The following MASP1 variants were observed in gnomAD, a reference collection of about 807,000 sequenced individuals.
The protein encoded by MASP1 is MBL associated serine protease 1.
A neutral mutation model predicts 77.1 loss-of-function variants in MASP1; 59 were observed. The ratio of observed to expected loss-of-function variants is 0.77; its 90% CI spans 0.62 to 0.95. The LOEUF is 0.95. Ranked by LOEUF, MASP1 falls within the 40% of genes least tolerant of loss-of-function variation. The pLI, the probability that MASP1 is intolerant of heterozygous loss-of-function variation, is 0.00. For missense variants in MASP1, 885 were observed against 912.9 expected, an observed-to-expected ratio of 0.97 and a Z score of 0.39; for synonymous variants, 362 against 354.5, an observed-to-expected ratio of 1.02 and a Z score of -0.24.
chr3:187,253,938 G>A (rs901914994), intron 5 of MASP1, among the ~76,000 whole-genome samples: 7 of 152,030 alleles, frequency 4.6e-5, no homozygotes, highest in African/African-American at 9.6e-5. Context: ...GCAAACCACC[G>A]TGGCACATGT....
chr3:187,280,086 G>C (rs1717289122), intron 2 of MASP1, among the ~76,000 whole-genome samples: 1 of 152,184 alleles, frequency 6.6e-6, no homozygotes, highest in South Asian at 2.1e-4. Context: ...TTTTAGAGTA[G>C]CATAATCAAA....
At chr3:187,286,688 G>A (rs946664035) in intron 1 of MASP1, among the ~76,000 whole-genome samples, 8 of 152,186 alleles carry the variant, frequency 5.3e-5, no homozygotes, top group African/African-American at 1.9e-4. Flanking sequence ...AAAACTTACA[G>A]AGCACGTCAC....
At chr3:187,252,363 C>A (rs698093) in intron 6 of MASP1, among the ~76,000 whole-genome samples, 41,280 of 152,068 alleles carry the variant, frequency 0.27, 5,760 homozygotes, top group African/African-American at 0.32. Context: ...TCTTTCTTCC[C>A]GAGGCCCTTC....
At chr3:187,284,866 G>A (rs12485649) in intron 2 of MASP1, among the ~76,000 whole-genome samples, 1,679 of 152,308 alleles carry the variant, frequency 0.011, 27 homozygotes, top group East Asian at 0.03. Context: ...AAAGCACCTT[G>A]TAAACTCACT....
At chr3:187,224,364 T>TG (rs1712256105) in intron 13 of MASP1, among the ~76,000 whole-genome samples, 1 of 141,200 alleles carries the variant, frequency 7.1e-6, no homozygotes, top group African/African-American at 2.7e-5. Flanking sequence ...TTTTTTTTTT[T>TG]GAGACGGAGT....
chr3:187,251,020 G>A (rs1028310553), intron 7 of MASP1, among the ~76,000 whole-genome samples: 17 of 152,122 alleles, frequency 1.1e-4, no homozygotes, highest in South Asian at 2.1e-4. Flanking sequence ...GTGCAAAGGC[G>A]TGATCTCAGC....
In MASP1 at chr3:187,234,766, C is replaced by CT; in HGVS notation, c.*917dup. The CT allele has an allele frequency of 7.8e-7, 1 of 1,287,256 alleles. No individual in the cohort carries two copies. The highest frequency in any genetic ancestry group is 1.0e-6 in the Non-Finnish European group (1 of 988,696). The allele number at this position is 1,287,256 out of a possible 1,614,324, so 79.7% of individuals were successfully genotyped here. A position where few individuals can be genotyped will look rare whatever the true frequency, so the allele number is the denominator to read the frequency against. The stretch of plus-strand genomic sequence containing the variant: ...CAGCAGGACACAGTGTGGGTCTTTT[C>CT]TTTTTCCAGGTAATCGACTAAGTCC... On this transcript the variant is annotated 3_prime_UTR_variant, in exon 11 of 11. Transcript: ENST00000296280.
At chr3:187,265,773 C>T (rs921604952) in intron 2 of MASP1, among the ~76,000 whole-genome samples, 1 of 152,174 alleles carries the variant, frequency 6.6e-6, no homozygotes, top group Non-Finnish European at 1.5e-5. Flanking sequence ...AAGAACCCAC[C>T]AACCCAGAGA....
At chr3:187,253,355 C>T in intron 5 of MASP1, 40 bp from the exon 6 acceptor site, 1 of 1,612,210 alleles carries the variant, frequency 6.2e-7, no homozygotes, top group Non-Finnish European at 8.5e-7. Flanking sequence ...TAGAGTGTTC[C>T]ATCTGAGCAG....
intron 5 of MASP1, among the ~76,000 whole-genome samples, chr3:187,254,971 C>T (rs1165900627): frequency 1.3e-5 from 2 of 152,110 alleles, no homozygotes; most frequent in Non-Finnish European, 2.9e-5. Flanking sequence ...GTGAGGCTCC[C>T]ATGTGTAGCT....
intron 1 of MASP1, among the ~76,000 whole-genome samples, chr3:187,288,547 C>T (rs79957887): frequency 0.059 from 9,013 of 152,254 alleles, 284 homozygotes; most frequent in Non-Finnish European, 0.076. Flanking sequence ...CTGCTATCAG[C>T]GTAAAGGAGG....
chr3:187,221,033 A>T lies in MASP1; in HGVS notation c.1909+2T>A, dbSNP rs767834819. On this transcript the variant is annotated splice_donor_variant, in intron 15 of 15. Coordinates refer to the MASP1 transcript ENST00000337774. LOFTEE classifies it high-confidence loss of function. ...CTGTTGTATGCCAGCCTCTTAACCC[A>T]CCTTCCTTCTCCCCAGCACAGATCA... The T allele has an allele frequency of 1.2e-5, 19 of 1,612,510 alleles. 1 individual carries two copies. In the Admixed American group the frequency reaches 3.2e-4, roughly 27 times the overall value.
intron 14 of MASP1, among the ~76,000 whole-genome samples, chr3:187,222,542 C>A (rs182211757): frequency 6.6e-6 from 1 of 152,176 alleles, no homozygotes; most frequent in African/African-American, 2.4e-5. Context: ...TCTTTGATGG[C>A]AGCTCGTGTT....
chr3:187,247,911 G>A (rs904148591), intron 8 of MASP1, among the ~76,000 whole-genome samples: 14 of 152,146 alleles, frequency 9.2e-5, no homozygotes, highest in East Asian at 1.9e-4. Context: ...CAGAGCTGGG[G>A]CCACTGCTTT....
At chr3:187,286,147 A>G (rs1220449977) in intron 1 of MASP1, 91 bp from the exon 2 acceptor site, 4 of 1,048,108 alleles carry the variant, frequency 3.8e-6, no homozygotes, top group Non-Finnish European at 5.8e-6. Flanking sequence ...AGATCTCAGC[A>G]TGTCTCTGTC....
chr3:187,220,176 A>C, exon 16 of MASP1: 1 of 1,614,206 alleles, frequency 6.2e-7, no homozygotes, highest in Non-Finnish European at 8.5e-7. Context: ...CCCAGGACAC[A>C]GTGCCCACCA....
At chr3:187,272,187 A>T (rs1038612079) in intron 2 of MASP1, among the ~76,000 whole-genome samples, 1 of 149,364 alleles carries the variant, frequency 6.7e-6, no homozygotes, top group Non-Finnish European at 1.5e-5. Context: ...AGAAAAAGAG[A>T]AGAAAGACAG....
At chr3:187,225,246 C>G in intron 13 of MASP1, 1 of 1,524,416 alleles carries the variant, frequency 6.6e-7, no homozygotes, top group Non-Finnish European at 9.1e-7. Flanking sequence ...TAATTGGCAC[C>G]AGAGCTTCAC....
Position 187,235,942 on chromosome 3 carries a change from G to C in MASP1, c.1929C>G (p.Val643=), listed in dbSNP as rs757847963. 2 of 1,614,252 alleles carry C rather than the reference G, an allele frequency of 1.2e-6. No individual in the cohort carries two copies. The highest frequency in any genetic ancestry group is 2.2e-5 in the South Asian group (2 of 91,086). The change falls in exon 11 of 11, where the codon GTC becomes GTG. Residue 643 remains valine (V), a synonymous_variant. Coordinates refer to ENST00000296280, the MANE Select transcript of MASP1 (RefSeq NM_139125.4). ...AGCCAGCACAGAACATGTTCTCCGT[G>C]ACGCTGTAATTGCCCGAGCGGGACT... is the stretch of plus-strand genomic sequence containing the variant. The part of the protein sequence containing the change: ...SYESRSGNYS[V]TENMFCAGYY...
Sources: gnomAD v4.1 joint callset for allele counts (sites outside exome capture counted in the v4.1 genomes callset) on GRCh38, gnomAD v4.1.1 for gene constraint, MANE v1.5 for transcripts, NCBI Gene and HGNC (gene_info 2026-07-23, HGNC 2026-07-21) for gene names.